Variants in FLNB observed in about 807,000 individuals in gnomAD.
FLNB encodes filamin B, also known as filamin-B.
A neutral mutation model predicts 250.6 loss-of-function variants in FLNB; 111 were observed. That is an observed-to-expected ratio of 0.44 (90% confidence interval 0.38 to 0.52). The LOEUF (loss-of-function observed/expected upper bound fraction) is 0.52. Among genes scored for constraint, FLNB ranks in the 20% least tolerant of loss-of-function variants. The pLI, the probability that FLNB is intolerant of heterozygous loss-of-function variation, is 0.00. For missense variants in FLNB, 2,869 were observed against 3,447.8 expected, an observed-to-expected ratio of 0.83 and a Z score of 4.20; for synonymous variants, 1,302 against 1,372.1, an observed-to-expected ratio of 0.95 and a Z score of 1.13.
intron 1 of FLNB, among the ~76,000 whole-genome samples, chr3:58,028,948 G>T (rs1254343989): frequency 6.6e-6 from 1 of 151,896 alleles, no homozygotes; most frequent in African/African-American, 2.4e-5. Context: ...TGGGTATGGT[G>T]GTATGTGCCT....
At chr3:58,138,994 G>T (rs1005783046) in intron 29 of FLNB, among the ~76,000 whole-genome samples, 1 of 152,136 alleles carries the variant, frequency 6.6e-6, no homozygotes, top group Non-Finnish European at 1.5e-5. Flanking sequence ...ACCTCCACTT[G>T]TGTTTTGGAA....
chr3:58,169,478 G>T lies in FLNB; in HGVS notation c.7418-112G>T. 1.2e-6 allele frequency: 1 copy of T among 829,628 alleles called. No homozygotes were observed. The highest frequency in any genetic ancestry group is 2.4e-5 in the East Asian group (1 of 41,230). 51.4% of individuals were successfully genotyped at this position (829,628 alleles called of 1,614,324 possible). On this transcript the variant is annotated intron_variant, in intron 44 of 45. Coordinates refer to ENST00000295956, the MANE Select transcript of FLNB (RefSeq NM_001457.4). The surrounding 1 kb of genome is among the most constrained non-coding windows in gnomAD (Gnocchi z 4.8). ...TACAGGTGTGGTGGCTTTTGTGTTGGGGTGCGCGGGCTCTCCTGGGGTTAC... is the reference window on the plus strand; with the variant it reads ...TACAGGTGTGGTGGCTTTTGTGTTGTGGTGCGCGGGCTCTCCTGGGGTTAC...
intron 19 of FLNB, among the ~76,000 whole-genome samples, chr3:58,119,554 T>C (rs866932982): frequency 2.0e-5 from 3 of 152,218 alleles, no homozygotes; most frequent in Admixed American, 2.0e-4. Flanking sequence ...AATTTTCTGA[T>C]TATTTTTTAG....
intron 1 of FLNB, among the ~76,000 whole-genome samples, chr3:58,047,161 A>G (rs943505292): frequency 6.6e-5 from 10 of 152,248 alleles, no homozygotes; most frequent in Admixed American, 6.5e-4. Flanking sequence ...TTTTGACACC[A>G]AAGAGAAAAA....
intron 43 of FLNB, among the ~76,000 whole-genome samples, chr3:58,166,353 G>T (rs1308855221): frequency 2.6e-5 from 4 of 151,906 alleles, no homozygotes; most frequent in South Asian, 4.2e-4. Context: ...ACTTTGGAAG[G>T]CCAAGGCAGA....
rs199980748 is a variant in FLNB, at chr3:58,149,873, G to A, written c.6115G>A (p.Val2039Met). 45 of 1,614,252 alleles carry A rather than the reference G, an allele frequency of 2.8e-5. No homozygotes were observed. The highest frequency in any genetic ancestry group is 5.0e-5 in the Admixed American group (3 of 60,034). The change falls in exon 37 of 46, where the codon GTG becomes ATG. Residue 2039 changes from valine to methionine, a missense_variant. Around this residue, in one of 5 missense-constraint regions of FLNB, gnomAD observed 1,084 missense variants for 1,315.5 expected, o/e 0.82. Coordinates refer to ENST00000295956, the MANE Select transcript of FLNB (RefSeq NM_001457.4). The part of the protein sequence containing the change: ...DAGYGGISLA[V>M]EGPSKVDIQT... ...AGGTTATGGTGGCATATCCTTGGCG[G>A]TGGAAGGCCCCAGCAAAGTGGACAT...
intron 1 of FLNB, among the ~76,000 whole-genome samples, chr3:58,038,595 A>T (rs940136515): frequency 9.7e-5 from 14 of 143,966 alleles, no homozygotes; most frequent in African/African-American, 3.0e-4. Context: ...CAGTTAATTA[A>T]TTTTTTTTTT....
chr3:58,027,778 T>G (rs1346737448), intron 1 of FLNB, among the ~76,000 whole-genome samples: 1 of 152,234 alleles, frequency 6.6e-6, no homozygotes, highest in Admixed American at 6.5e-5. Context: ...TAATATTATT[T>G]TCCCCTGCAG....
chr3:58,059,411 G>A (rs867623281), intron 1 of FLNB, among the ~76,000 whole-genome samples: 21 of 152,298 alleles, frequency 1.4e-4, no homozygotes, highest in African/African-American at 4.8e-4. Context: ...GGGGGATGCT[G>A]GACCTAGCTT....
chr3:58,168,609 C>T lies in FLNB; in HGVS notation c.7368C>T (p.Tyr2456=), dbSNP rs761458879. ...APGNYLISVK[Y]GGPNHIVGSP... is the part of the protein sequence containing the mutation. ...GTAACTACCTGATCAGCGTCAAATA[C>T]GGTGGGCCCAACCACATCGTGGGCA... Residue 2456 remains tyrosine (Y), a synonymous_variant, in exon 44 of 46, where the codon TAC becomes TAT. Coordinates refer to ENST00000295956, the MANE Select transcript of FLNB (RefSeq NM_001457.4). 9.3e-6 allele frequency: 15 copies of T among 1,614,038 alleles called. No individual in the cohort carries two copies. Among genetic ancestry groups the T allele is most frequent in the Middle Eastern group, 3.3e-4 (2 of 6,062 alleles).
intron 1 of FLNB, among the ~76,000 whole-genome samples, chr3:58,057,793 A>G (rs529119208): frequency 1.3e-5 from 2 of 152,142 alleles, no homozygotes; most frequent in Admixed American, 6.5e-5. Context: ...ATGTAAGTCG[A>G]GTGGATTTTT....
chr3:58,025,063 CT>C (rs1559642620), intron 1 of FLNB, among the ~76,000 whole-genome samples: 1 of 138,978 alleles, frequency 7.2e-6, no homozygotes, highest in Non-Finnish European at 1.5e-5. Flanking sequence ...CTCACCCTTT[CT>C]TTTGTCTCCT....
chr3:58,159,615 G>C lies in FLNB; in HGVS notation c.6950G>C (p.Gly2317Ala), dbSNP rs1300630016. 1.9e-6 allele frequency: 3 copies of C among 1,614,058 alleles called. No homozygotes were observed. Among genetic ancestry groups the C allele is most frequent in the Non-Finnish European group, 8.5e-7 (1 of 1,180,012 alleles). Residue 2317 changes from glycine (G) to alanine (A), a missense_variant, in exon 42 of 46, where the codon GGC (glycine) becomes GCC (alanine). Gly to Ala is a moderately conservative substitution (Grantham distance 60). Around this residue, in one of 5 missense-constraint regions of FLNB, gnomAD observed 1,084 missense variants for 1,315.5 expected, o/e 0.82. Coordinates refer to ENST00000295956, the MANE Select transcript of FLNB (RefSeq NM_001457.4). ...SFAIRLNGAK[G>A]KIDAKVHSPS... ...GCTATAAGGTTGAATGGCGCAAAAG[G>C]CAAGATTGATGCAAAGGTGCACAGC... is the stretch of plus-strand genomic sequence containing the variant.
chr3:58,040,646 T>C (rs9311663), intron 1 of FLNB, among the ~76,000 whole-genome samples: 39,004 of 152,066 alleles, frequency 0.26, 8,193 homozygotes, highest in African/African-American at 0.56. Flanking sequence ...AGGCGCATCC[T>C]GCCATGCCTG....
In FLNB at chr3:58,142,751, T is replaced by C; in HGVS notation, c.5283T>C (p.Thr1761=). The C allele has an allele frequency of 2.5e-6, 4 of 1,613,254 alleles. No individual in the cohort carries two copies. Among genetic ancestry groups the C allele is most frequent in the Non-Finnish European group, 3.4e-6 (4 of 1,179,186 alleles). Residue 1761 remains threonine (T), a splice_region_variant and synonymous_variant, in exon 31 of 46, where the codon ACT becomes ACC. Coordinates refer to ENST00000295956, the MANE Select transcript of FLNB (RefSeq NM_001457.4). This position sits in a 1 kb window ranked among gnomAD's most constrained non-coding sequence, Gnocchi z 4.3. ...IPFAVRKGEI[T]GEVHMPSGKT... Reference sequence around the variant, plus strand: ...TTGCTGTCAGGAAAGGAGAAATCACTGGTAAGCACTTGCCATAAAGGCCGT... The same window carrying C: ...TTGCTGTCAGGAAAGGAGAAATCACCGGTAAGCACTTGCCATAAAGGCCGT...
At position 58,153,488 on chromosome 3, in the gene FLNB, G is replaced by C. The variant is rs565186282; in HGVS notation, c.6481G>C (p.Glu2161Gln). Reference sequence around the variant, plus strand: ...ACACTGCGTCCGGTTTGTGCCCCAGGAGATGGGCGTGCACACGGTCAGCGT... The same window carrying C: ...ACACTGCGTCCGGTTTGTGCCCCAGCAGATGGGCGTGCACACGGTCAGCGT... The part of the protein sequence containing the change: ...NSHCVRFVPQ[E>Q]MGVHTVSVKY... The change falls in exon 39 of 46, where the codon GAG (glutamate) becomes CAG (glutamine). Residue 2161 changes from glutamate (E) to glutamine (Q), a missense_variant. By Grantham distance (29) the Glu-to-Gln change is conservative. Around this residue, in one of 5 missense-constraint regions of FLNB, gnomAD observed 1,084 missense variants for 1,315.5 expected, o/e 0.82. Transcript: ENST00000295956. 2 of 1,614,252 alleles carry C rather than the reference G, an allele frequency of 1.2e-6. No homozygotes were observed. The highest frequency in any genetic ancestry group is 3.3e-5 in the Admixed American group (2 of 60,038).
At position 58,123,396 on chromosome 3, in the gene FLNB, G is replaced by A. The variant is rs199959926; in HGVS notation, c.3430G>A (p.Glu1144Lys). ...SKVVASGPGLEHGKVGEAGLL... is the reference protein window; with the variant it reads ...SKVVASGPGLKHGKVGEAGLL... ...AGTCGTGGCATCGGGGCCAGGTCTC[G>A]AGCACGGGAAGGTGGGTGAAGCTGG... is the stretch of plus-strand genomic sequence containing the variant. Residue 1144 changes from glutamate (E) to lysine (K), a missense_variant, in exon 21 of 46, where the codon GAG (glutamate) becomes AAG (lysine). Coordinates refer to ENST00000295956, the MANE Select transcript of FLNB (RefSeq NM_001457.4). 10 of 1,614,120 alleles carry A rather than the reference G, an allele frequency of 6.2e-6. No homozygotes were observed. The South Asian group carries it at 6.6e-5, about 11-fold the overall frequency.
intron 1 of FLNB, among the ~76,000 whole-genome samples, chr3:58,067,538 C>T (rs1434484578): frequency 6.6e-6 from 1 of 152,024 alleles, no homozygotes; most frequent in Non-Finnish European, 1.5e-5. Context: ...CCCAGAACAT[C>T]CCCACATTAT....
intron 28 of FLNB, 82 bp from the exon 29 acceptor site, chr3:58,138,200 A>T: frequency 6.3e-7 from 1 of 1,589,226 alleles, no homozygotes; most frequent in Non-Finnish European, 8.6e-7. Flanking sequence ...AGGCACAGAC[A>T]ACATGGATGG....
Sources: allele counts gnomAD v4.1 joint callset (sites outside exome capture counted in the v4.1 genomes callset), GRCh38; gene constraint gnomAD v4.1.1; regional missense constraint gnomAD v4.1.1; non-coding constraint Gnocchi (gnomAD v3.1); transcripts MANE v1.5; gene names NCBI Gene and HGNC (gene_info 2026-07-23, HGNC 2026-07-21).